Variants in BACE2 observed in about 807,000 individuals in gnomAD.
BACE2 encodes beta-secretase 2, also known as 56 kDa aspartic-like protease.
A neutral mutation model predicts 46.2 loss-of-function variants in BACE2; 17 were observed. That is an observed-to-expected ratio of 0.37 (90% CI 0.25 to 0.55). The LOEUF (loss-of-function observed/expected upper bound fraction) is 0.55, where lower values mean the gene tolerates loss of function less well. Among genes scored for constraint, BACE2 ranks in the 20% least tolerant of loss-of-function variants. BACE2 has a pLI of 0.82. For synonymous variants in BACE2, 277 were observed against 295.9 expected (o/e 0.94, Z 0.66); for missense variants, 595 against 698.1 (o/e 0.85, Z 1.66).
At chr21:41,223,816 G>A (rs927320904) in intron 1 of BACE2, among the ~76,000 whole-genome samples, 14 of 152,184 alleles carry the variant, frequency 9.2e-5, no homozygotes, top group African/African-American at 3.4e-4. Context: ...GAGTGCATGC[G>A]CAGCCCGGGG....
intron 2 of BACE2, among the ~76,000 whole-genome samples, chr21:41,235,256 T>C (rs1212483516): frequency 6.6e-6 from 1 of 152,198 alleles, no homozygotes; most frequent in Non-Finnish European, 1.5e-5. Context: ...TCTTTTAACT[T>C]TTTCTCTGCA....
chr21:41,267,605 A>T (rs1329359590), intron 8 of BACE2, among the ~76,000 whole-genome samples: 2 of 152,230 alleles, frequency 1.3e-5, no homozygotes, highest in South Asian at 4.1e-4. Flanking sequence ...GCTCATGTTT[A>T]AAAATAGCAG....
chr21:41,172,194 C>T (rs973348647), intron 1 of BACE2, among the ~76,000 whole-genome samples: 1 of 152,198 alleles, frequency 6.6e-6, no homozygotes, highest in Non-Finnish European at 1.5e-5. Flanking sequence ...CCAGCTCCTT[C>T]GAGTGAGAAG....
chr21:41,274,107 A>G (rs546115125), intron 8 of BACE2, among the ~76,000 whole-genome samples: 2 of 152,130 alleles, frequency 1.3e-5, no homozygotes, highest in South Asian at 4.2e-4. Flanking sequence ...AAGACACAGC[A>G]AGAAGATCAT....
chr21:41,205,361 G>T (rs1311424724), intron 1 of BACE2, among the ~76,000 whole-genome samples: 6 of 152,138 alleles, frequency 3.9e-5, no homozygotes, highest in Non-Finnish European at 8.8e-5. Flanking sequence ...TGTTTTCATA[G>T]ATGAGATACA....
intron 8 of BACE2, among the ~76,000 whole-genome samples, chr21:41,263,119 T>C (rs1311526946): frequency 6.6e-6 from 1 of 152,198 alleles, no homozygotes; most frequent in Admixed American, 6.5e-5. Context: ...TTGTGGAATT[T>C]CCTTCTCAGT....
At chr21:41,237,263 T>C (rs1987150402) in intron 2 of BACE2, among the ~76,000 whole-genome samples, 1 of 151,990 alleles carries the variant, frequency 6.6e-6, no homozygotes, top group Non-Finnish European at 1.5e-5. Context: ...CTGGCCAACA[T>C]GGTGAAACCC....
At position 41,208,395 on chromosome 21, in the gene BACE2, C is replaced by A. The variant is rs560087965; in HGVS notation, c.313-17871C>A. ...CTGGGGGTGGGAGAGGGCATGAAAT[C>A]CTATCAGCAGGAAAGTCCATCCTTG... is the stretch of plus-strand genomic sequence containing the variant. On this transcript the variant is annotated intron_variant, in intron 1 of 8. Transcript: ENST00000330333. Among the ~76,000 whole-genome samples, 100 of 152,300 alleles carry A rather than the reference C, an allele frequency of 6.6e-4. 1 individual carries two copies. Among genetic ancestry groups the A allele is most frequent in the Non-Finnish European group, 6.0e-4 (41 of 68,030 alleles).
chr21:41,232,065 A>G (rs1986980171), intron 2 of BACE2, among the ~76,000 whole-genome samples: 1 of 151,552 alleles, frequency 6.6e-6, no homozygotes, highest in Non-Finnish European at 1.5e-5. Flanking sequence ...TGCTTTCTAC[A>G]AGGCTAGCCA....
chr21:41,168,994 GCC>G (rs369583484), intron 1 of BACE2, among the ~76,000 whole-genome samples: 1,323 of 110,014 alleles, frequency 0.012, 33 homozygotes, highest in African/African-American at 0.045. Flanking sequence ...CCTCCCCCCC[GCC>G]CCCCCCCCAC....
intron 6 of BACE2, among the ~76,000 whole-genome samples, chr21:41,247,404 G>A (rs1358689243): frequency 6.6e-6 from 1 of 152,248 alleles, no homozygotes; most frequent in Non-Finnish European, 1.5e-5. Context: ...CTGAATCAGA[G>A]AAAGTGGCAG....
At chr21:41,200,045 G>C (rs1197983497) in intron 1 of BACE2, among the ~76,000 whole-genome samples, 1 of 137,108 alleles carries the variant, frequency 7.3e-6, no homozygotes, top group Non-Finnish European at 1.6e-5. Flanking sequence ...GTTGTGGGGT[G>C]GGGGGAGGGG....
chr21:41,207,316 A>G (rs1038548845), intron 1 of BACE2, among the ~76,000 whole-genome samples: 2 of 152,160 alleles, frequency 1.3e-5, no homozygotes, highest in African/African-American at 2.4e-5. Context: ...CTCCCCAACT[A>G]TCATCAAAGT....
At chr21:41,179,612 C>A (rs778853538) in intron 1 of BACE2, 3 of 1,359,796 alleles carry the variant, frequency 2.2e-6, no homozygotes, top group African/African-American at 1.5e-5. Flanking sequence ...GTGCTTCAGG[C>A]GCAGCAACTC....
In BACE2 at chr21:41,265,524, G is replaced by A. The variant is rs141999628; in HGVS notation, c.1303+8198G>A. On this transcript the variant is annotated intron_variant, in intron 8 of 8. Coordinates refer to ENST00000330333, the MANE Select transcript of BACE2 (RefSeq NM_012105.5). ...CTGACAGGTGAAAAATGATGATCTC[G>A]GTGTAGTTTTAATTTGTGTCACTTT... Among the ~76,000 whole-genome samples the A allele has an allele frequency of 3.4e-3, 513 of 151,924 alleles. 5 individuals are homozygous for A. The highest frequency in any genetic ancestry group is 0.012 in the African/African-American group (489 of 41,434).
Position 41,275,653 on chromosome 21 carries a change from GA to G in BACE2, c.*31del. ...GCCAGGCCTGACCTCAAGCAACCAT[GA>G]ACTCAGCTATTAAGAAAATCACATT... On this transcript the variant is annotated 3_prime_UTR_variant, in exon 9 of 9. Coordinates refer to ENST00000330333, the MANE Select transcript of BACE2 (RefSeq NM_012105.5). 6.2e-7 allele frequency: 1 copy of G among 1,607,960 alleles called. No individual in the cohort carries two copies.
intron 1 of BACE2, among the ~76,000 whole-genome samples, chr21:41,223,992 C>T (rs1986731921): frequency 6.6e-6 from 1 of 151,962 alleles, no homozygotes; most frequent in South Asian, 2.1e-4. Context: ...GTCCGTGAGA[C>T]TAAAGTGAGG....
chr21:41,270,880 T>A (rs1224088538), intron 8 of BACE2, among the ~76,000 whole-genome samples: 1 of 152,250 alleles, frequency 6.6e-6, no homozygotes, highest in African/African-American at 2.4e-5. Flanking sequence ...GTCTACTTGC[T>A]CTATTATTGA....
intron 1 of BACE2, among the ~76,000 whole-genome samples, chr21:41,208,539 A>C (rs1019598846): frequency 6.6e-6 from 1 of 152,138 alleles, no homozygotes; most frequent in Admixed American, 6.5e-5. Flanking sequence ...GATGATAAGG[A>C]GTCCATTCGA....
Sources: allele counts gnomAD v4.1 joint callset (sites outside exome capture counted in the v4.1 genomes callset), GRCh38; gene constraint gnomAD v4.1.1; transcripts MANE v1.5; gene names NCBI Gene and HGNC (gene_info 2026-07-23, HGNC 2026-07-21).